Variants in GATAD2B observed in about 807,000 individuals in gnomAD.
GATAD2B encodes transcriptional repressor p66-beta.
Under a neutral mutation model 64.3 loss-of-function variants are expected in GATAD2B, and 8 were observed. That is an observed-to-expected ratio of 0.12 (90% CI 0.07 to 0.22). GATAD2B has a LOEUF of 0.22. GATAD2B is among the 10% of genes least tolerant of loss of function. GATAD2B has a pLI of 1.00. For missense variants in GATAD2B, 453 were observed against 752.0 expected, an observed-to-expected ratio of 0.60 and a Z score of 4.65; for synonymous variants, 281 against 271.3, an observed-to-expected ratio of 1.04 and a Z score of -0.35.
At chr1:153,908,828 G>A (rs912141982) in intron 1 of GATAD2B, among the ~76,000 whole-genome samples, 18 of 150,368 alleles carry the variant, frequency 1.2e-4, no homozygotes, top group African/African-American at 4.4e-4. Context: ...ACAAGGTTGT[G>A]TTTTATCCCC....
chr1:153,879,175 C>T (rs1017271094), intron 1 of GATAD2B, among the ~76,000 whole-genome samples: 3 of 151,858 alleles, frequency 2.0e-5, no homozygotes, highest in African/African-American at 7.3e-5. Flanking sequence ...CTCCTGACCT[C>T]GTGATCCGCC....
At chr1:153,810,901 T>C (rs1674270242) in intron 10 of GATAD2B, among the ~76,000 whole-genome samples, 1 of 152,040 alleles carries the variant, frequency 6.6e-6, no homozygotes, top group South Asian at 2.1e-4. Context: ...GTAGCTGGGA[T>C]TACAGGCACC....
intron 1 of GATAD2B, among the ~76,000 whole-genome samples, chr1:153,859,925 T>A (rs1245596369): frequency 7.3e-6 from 1 of 136,676 alleles, no homozygotes; most frequent in Admixed American, 7.4e-5. Flanking sequence ...TTTTTTTTTT[T>A]TTTTTTTTTT....
intron 1 of GATAD2B, among the ~76,000 whole-genome samples, chr1:153,908,791 A>G (rs1678029132): frequency 6.7e-6 from 1 of 150,090 alleles, no homozygotes; most frequent in East Asian, 1.9e-4. Context: ...GGAAAAAAAA[A>G]AAAAAAAAAA....
chr1:153,852,354 G>T, intron 1 of GATAD2B: 1 of 899,806 alleles, frequency 1.1e-6, no homozygotes, highest in Non-Finnish European at 1.9e-6. Context: ...CTGAGTAGAT[G>T]TCGCCTGCCA....
chr1:153,818,978 T>G (rs1570930074), intron 3 of GATAD2B, 56 bp from the exon 4 acceptor site: 1 of 1,564,036 alleles, frequency 6.4e-7, no homozygotes, highest in South Asian at 1.1e-5. Context: ...AATTCCTTCC[T>G]GCAAGAGACA....
chr1:153,818,314 CTTTTTTTTTTTTTTT>C (rs35175263), intron 4 of GATAD2B, 143 bp from the exon 5 acceptor site: 3 of 320,422 alleles, frequency 9.4e-6, no homozygotes, highest in Admixed American at 1.2e-4. Flanking sequence ...TCAAGGTTTT[CTTTTTTTTTTTTTTT>C]TTTGAGACAG....
At chr1:153,855,229 T>G (rs919545046) in intron 1 of GATAD2B, among the ~76,000 whole-genome samples, 1 of 144,304 alleles carries the variant, frequency 6.9e-6, no homozygotes, top group Non-Finnish European at 1.6e-5. Flanking sequence ...CTTTTTGTTT[T>G]TTTTTTTTGT....
At chr1:153,861,809 T>TATATACATACATAC (rs1294838675) in intron 1 of GATAD2B, among the ~76,000 whole-genome samples, 1 of 122,192 alleles carries the variant, frequency 8.2e-6, no homozygotes. Flanking sequence ...TATATATATA[T>TATATACATACATAC]ACACATATGT....
chr1:153,910,510 T>A (rs1267148958), intron 1 of GATAD2B, among the ~76,000 whole-genome samples: 1 of 152,050 alleles, frequency 6.6e-6, no homozygotes, highest in Non-Finnish European at 1.5e-5. Flanking sequence ...GAGGCCAAGG[T>A]GGGTGGATCA....
At chr1:153,918,683 G>A (rs970744156) in intron 1 of GATAD2B, among the ~76,000 whole-genome samples, 1 of 152,134 alleles carries the variant, frequency 6.6e-6, no homozygotes, top group Non-Finnish European at 1.5e-5. Context: ...CGGGCACAAT[G>A]GCTCCATGCC....
At chr1:153,860,145 C>T (rs1357388528) in intron 1 of GATAD2B, among the ~76,000 whole-genome samples, 2 of 151,864 alleles carry the variant, frequency 1.3e-5, no homozygotes, top group East Asian at 3.9e-4. Context: ...GAACTCCTGA[C>T]CTCAAGTAAT....
intron 1 of GATAD2B, among the ~76,000 whole-genome samples, chr1:153,868,240 A>T (rs901219050): frequency 4.6e-5 from 7 of 152,172 alleles, no homozygotes; most frequent in African/African-American, 1.7e-4. Context: ...TAAAAATTTT[A>T]AAATTATTAA....
chr1:153,894,015 C>T (rs542449886), intron 1 of GATAD2B, among the ~76,000 whole-genome samples: 10 of 145,244 alleles, frequency 6.9e-5, no homozygotes, highest in African/African-American at 2.5e-4. Flanking sequence ...ACTGGAACCA[C>T]TATATTAAAC....
At chr1:153,819,577 A>G (rs924292989) in intron 3 of GATAD2B, 29 bp downstream of exon 3, 1 of 1,513,566 alleles carries the variant, frequency 6.6e-7, no homozygotes, top group Non-Finnish European at 9.0e-7. Context: ...GAGCATAACA[A>G]GAAGAAAGAA....
intron 1 of GATAD2B, among the ~76,000 whole-genome samples, chr1:153,895,290 C>T (rs914948022): frequency 1.1e-4 from 17 of 151,034 alleles, no homozygotes; most frequent in Non-Finnish European, 1.8e-4. Context: ...GCCAAGATCG[C>T]GCCACTGCAC....
intron 4 of GATAD2B, among the ~76,000 whole-genome samples, 174 bp from the exon 5 acceptor site, chr1:153,818,345 T>G (rs12745605): frequency 6.8e-6 from 1 of 146,202 alleles, no homozygotes; most frequent in African/African-American, 2.5e-5. Context: ...GACAGAGTCT[T>G]GCTCTGTCGC....
At chr1:153,822,026 C>T (rs1053350150) in intron 2 of GATAD2B, among the ~76,000 whole-genome samples, 1 of 151,524 alleles carries the variant, frequency 6.6e-6, no homozygotes, top group Non-Finnish European at 1.5e-5. Context: ...ACTAAAAATA[C>T]AAAAATTAGC....
chr1:153,852,752 TAGACAGGG>T, intron 1 of GATAD2B: 1 of 913,754 alleles, frequency 1.1e-6, no homozygotes, highest in South Asian at 1.3e-5. Context: ...TGAAGCTTGG[TAGACAGGG>T]ATCCCAGTCT....
Sources: allele counts gnomAD v4.1 joint callset (sites outside exome capture counted in the v4.1 genomes callset), GRCh38; gene constraint gnomAD v4.1.1; transcripts MANE v1.5; gene names NCBI Gene and HGNC (gene_info 2026-07-23, HGNC 2026-07-21).